PPP2R2D: variants seen among roughly 807,000 people sequenced by gnomAD.
PPP2R2D encodes serine/threonine-protein phosphatase 2A 55 kDa regulatory subunit B delta isoform.
Under a neutral mutation model 31.1 loss-of-function variants are expected in PPP2R2D, and 9 were observed. That is an observed-to-expected ratio of 0.29 (90% CI 0.17 to 0.51). The LOEUF is 0.51. Ranked by LOEUF, PPP2R2D falls within the 20% of genes least tolerant of loss-of-function variation. The probability of loss-of-function intolerance (pLI) is 0.98; values close to 1 mark genes in which losing one functional copy is unlikely to be tolerated. For missense variants in PPP2R2D, 391 were observed against 465.6 expected (o/e 0.84, Z 1.48); for synonymous variants, 179 against 172.6 (o/e 1.04, Z -0.29).
At chr10:131,968,264 A>G in the PPP2R2D span, 669 of 307,290 alleles carry the variant, frequency 2.2e-3, 7 homozygotes, top group East Asian at 0.023. Flanking sequence ...TTTATATCTA[A>G]TATCAAATGA....
chr10:131,903,466 C>CA (rs1175160035), intron 2 of PPP2R2D, among the ~76,000 whole-genome samples: 18,354 of 73,332 alleles, frequency 0.25, 2,051 homozygotes, highest in Non-Finnish European at 0.29. Context: ...GGCTCCATCT[C>CA]AAAAAAAAAA....
chr10:131,959,426 C>T lies in PPP2R2D; in HGVS notation c.*3463C>T, dbSNP rs1312440205. On this transcript the variant is annotated 3_prime_UTR_variant, in exon 9 of 9. Transcript: ENST00000455566. Reference sequence around the variant, plus strand: ...GAGATGAAGGTGTGTGCTGATCCCCCATCCCCCTGTGGAGATGAAGGCGTG... The same window carrying T: ...GAGATGAAGGTGTGTGCTGATCCCCTATCCCCCTGTGGAGATGAAGGCGTG... 6.7e-6 allele frequency: 1 copy of T among 148,802 alleles called. No homozygotes were observed. Among genetic ancestry groups the T allele is most frequent in the Non-Finnish European group, 1.5e-5 (1 of 67,778 alleles). 9.2% of individuals were successfully genotyped at this position (148,802 alleles called of 1,614,324 possible).
chr10:131,906,753 T>C (rs1348407945), intron 2 of PPP2R2D, among the ~76,000 whole-genome samples: 2 of 141,414 alleles, frequency 1.4e-5, no homozygotes, highest in Non-Finnish European at 3.1e-5. Flanking sequence ...AGATCTTGTC[T>C]CTACCAAAAA....
At position 131,959,224 on chromosome 10, in the gene PPP2R2D, G is replaced by C. The variant is rs1368935563; in HGVS notation, c.*3261G>C. ...TCCCCCGTCCTCCTGTGGAGATGAA[G>C]GCGTGTGCTGATCCCCCGTCCCCCT... On this transcript the variant is annotated 3_prime_UTR_variant, in exon 9 of 9. Coordinates refer to ENST00000455566, the MANE Select transcript of PPP2R2D (RefSeq NM_018461.5). 5.6e-6 allele frequency: 1 copy of C among 180,024 alleles called. No individual in the cohort carries two copies. Among genetic ancestry groups the C allele is most frequent in the Non-Finnish European group, 1.1e-5 (1 of 90,414 alleles). The allele number at this position is 180,024 out of a possible 1,614,324, so 11.2% of individuals were successfully genotyped here.
intron 2 of PPP2R2D, among the ~76,000 whole-genome samples, chr10:131,909,264 A>G (rs1306713652): frequency 6.6e-6 from 1 of 152,184 alleles, no homozygotes; most frequent in Non-Finnish European, 1.5e-5. Flanking sequence ...AGGATGATGA[A>G]TAAAGGACTT....
Position 131,902,231 on chromosome 10 carries a change from C to T in PPP2R2D, c.100+901C>T, listed in dbSNP as rs1331807473. 2.0e-5 allele frequency among the ~76,000 whole-genome samples: 3 copies of T among 152,218 alleles called. No individual in the cohort carries two copies. The East Asian group carries it at 5.8e-4, about 29-fold the overall frequency. On this transcript the variant is annotated intron_variant, in intron 2 of 8. Transcript: ENST00000455566. ...GACTTTTTTGTTGTTGTTCATACAT[C>T]TTACTGAACATTGTAAACCTTTAAC...
intron 2 of PPP2R2D, among the ~76,000 whole-genome samples, chr10:131,907,770 C>T (rs1265006872): frequency 6.6e-6 from 1 of 151,854 alleles, no homozygotes; most frequent in Non-Finnish European, 1.5e-5. Flanking sequence ...GATTCACAGA[C>T]TCATCATGCT....
At chr10:131,942,615 C>T (rs1426054971) in intron 5 of PPP2R2D, among the ~76,000 whole-genome samples, 2 of 152,026 alleles carry the variant, frequency 1.3e-5, no homozygotes, top group African/African-American at 4.8e-5. Flanking sequence ...ACCTGTAATC[C>T]CAGCACTTTG....
At chr10:131,966,067 C>A in the PPP2R2D span, among the ~76,000 whole-genome samples, 1 of 152,194 alleles carries the variant, frequency 6.6e-6, no homozygotes, top group Non-Finnish European at 1.5e-5. Flanking sequence ...AGGTCTGTCT[C>A]CAGAGTGAAT....
chr10:131,938,088 G>A (rs1257968980), intron 3 of PPP2R2D, among the ~76,000 whole-genome samples: 2 of 149,662 alleles, frequency 1.3e-5, no homozygotes, highest in African/African-American at 2.5e-5. Context: ...GTGCAGCGAC[G>A]CGGGGCAGGC....
chr10:131,953,251 G>A (rs569423339), intron 8 of PPP2R2D, among the ~76,000 whole-genome samples: 202 of 88,722 alleles, frequency 2.3e-3, no homozygotes, highest in Non-Finnish European at 3.3e-3. Flanking sequence ...AGTGACTTGC[G>A]GGGGGGTCCC....
chr10:131,928,315 G>T (rs112151554), intron 2 of PPP2R2D, among the ~76,000 whole-genome samples: 1 of 152,166 alleles, frequency 6.6e-6, no homozygotes, highest in African/African-American at 2.4e-5. Context: ...CAGTGGCCTC[G>T]CGAGCAGCAC....
In PPP2R2D at chr10:131,956,523, C is replaced by T. The variant is rs965838219; in HGVS notation, c.*560C>T. On this transcript the variant is annotated 3_prime_UTR_variant, in exon 9 of 9. Coordinates refer to ENST00000455566, the MANE Select transcript of PPP2R2D (RefSeq NM_018461.5). ...GGGTGTGAGCGCTCAATAAAAACAA[C>T]ACACTATAAAGTGTTTTTAAATCCA... The T allele has an allele frequency of 1.0e-6, 1 of 985,340 alleles. No individual in the cohort carries two copies. The highest frequency in any genetic ancestry group is 1.7e-5 in the African/African-American group (1 of 57,256). 61.0% of individuals were successfully genotyped at this position (985,340 alleles called of 1,614,324 possible).
the PPP2R2D span, chr10:131,969,655 C>T: frequency 6.6e-6 from 1 of 152,408 alleles, no homozygotes; most frequent in Non-Finnish European, 1.5e-5. Flanking sequence ...ACCTACCTAA[C>T]CCACCTGCCC....
chr10:131,967,249 A>T, the PPP2R2D span: 2 of 152,108 alleles, frequency 1.3e-5, no homozygotes, highest in African/African-American at 4.8e-5. Flanking sequence ...GTTGTGTGCT[A>T]ACTTTGATGG....
rs34461938 is a variant in PPP2R2D at position 131,916,330 on chromosome 10, ATT to A, written c.100+15015_100+15016del. Among the ~76,000 whole-genome samples, 704 of 143,532 alleles carry A rather than the reference ATT, an allele frequency of 4.9e-3. 2 individuals are homozygous for A. The highest frequency in any genetic ancestry group is 0.018 in the Middle Eastern group (5 of 276). 94.2% of individuals were successfully genotyped at this position (143,532 alleles called of 152,430 possible). On this transcript the variant is annotated intron_variant, in intron 2 of 8. Transcript: ENST00000455566. ...GACACCCAGGTTGGCATAGATTGGG[ATT>A]TTTTTTTTTTTTTTGAGGTCTAGGA...
At chr10:131,915,512 A>C (rs782639466) in intron 2 of PPP2R2D, among the ~76,000 whole-genome samples, 3 of 152,200 alleles carry the variant, frequency 2.0e-5, no homozygotes, top group Non-Finnish European at 2.9e-5. Context: ...GGTCATGTTG[A>C]GGCTGTCCAT....
intron 8 of PPP2R2D, among the ~76,000 whole-genome samples, chr10:131,953,141 T>TCACTGTCTTAGTGACTTGTGGGTG (rs1460544605): frequency 2.7e-5 from 1 of 36,464 alleles, no homozygotes; most frequent in Non-Finnish European, 4.5e-5. Context: ...ACTTGCAGGT[T>TCACTGTCTTAGTGACTTGTGGGTG]TGCGGGGGTT....
intron 2 of PPP2R2D, among the ~76,000 whole-genome samples, chr10:131,910,492 C>T: frequency 6.6e-6 from 1 of 152,260 alleles, no homozygotes; most frequent in East Asian, 1.9e-4. Context: ...CAGTTACTTT[C>T]TGTGAAGTGA....
Sources: allele counts gnomAD v4.1 joint callset (sites outside exome capture counted in the v4.1 genomes callset), GRCh38; gene constraint gnomAD v4.1.1; transcripts MANE v1.5; gene names NCBI Gene and HGNC (gene_info 2026-07-23, HGNC 2026-07-21).